Variants in STXBP3 observed in about 807,000 individuals in gnomAD.
STXBP3 encodes syntaxin-binding protein 3.
In STXBP3, 41 loss-of-function variants were observed where a neutral mutation model predicts 85.7. That is an observed-to-expected ratio of 0.48 (90% CI 0.37 to 0.62). The LOEUF (loss-of-function observed/expected upper bound fraction) is 0.62, where lower values mean the gene tolerates loss of function less well. Among genes scored for constraint, STXBP3 ranks in the 20% least tolerant of loss-of-function variants. The pLI is 0.00. For missense variants in STXBP3, 563 were observed against 703.1 expected (o/e 0.80, Z 2.25); for synonymous variants, 229 against 231.7 (o/e 0.99, Z 0.10).
At chr1:108,789,924 T>C (rs1271597745) in intron 11 of STXBP3, among the ~76,000 whole-genome samples, 1 of 149,572 alleles carries the variant, frequency 6.7e-6, no homozygotes, top group East Asian at 2.0e-4. Context: ...AAATTAGCCA[T>C]GTGTGATGGC....
intron 3 of STXBP3, among the ~76,000 whole-genome samples, chr1:108,753,843 T>TA (rs1661960137): frequency 6.6e-6 from 1 of 152,092 alleles, no homozygotes; most frequent in South Asian, 2.1e-4. Flanking sequence ...TGAAGACAGA[T>TA]AAATACTCTC....
chr1:108,780,372 T>G (rs1662689730), intron 9 of STXBP3: 1 of 152,124 alleles, frequency 6.6e-6, no homozygotes, highest in South Asian at 2.1e-4. Flanking sequence ...AGAGGGGATA[T>G]TATTTACCTC....
At chr1:108,773,401 A>G (rs1662511229) in intron 7 of STXBP3, among the ~76,000 whole-genome samples, 1 of 152,218 alleles carries the variant, frequency 6.6e-6, no homozygotes, top group Admixed American at 6.5e-5. Context: ...CCATAGGCTA[A>G]TTGATATAAA....
At chr1:108,780,774 T>TTC (rs1257251370) in intron 9 of STXBP3, 1 of 147,604 alleles carries the variant, frequency 6.8e-6, no homozygotes, top group East Asian at 1.9e-4. Context: ...CTTTTTTTTT[T>TTC]TTTTCTTTTT....
At position 108,753,074 on chromosome 1, in the gene STXBP3, A is replaced by G; in HGVS notation, c.111A>G (p.Leu37=). ...GTGTTTGTTTTAAGATAATGCTTTT[A>G]GATGAATTTACCACTAAGCTTTTGG... is the stretch of plus-strand genomic sequence containing the variant. ...KKEGEWKIML[L]DEFTTKLLAS... The change falls in exon 3 of 19, where the codon TTA becomes TTG. Residue 37 remains leucine (L), a synonymous_variant. Transcript: ENST00000370008. The G allele has an allele frequency of 3.8e-6, 6 of 1,575,540 alleles. No individual in the cohort carries two copies. The highest frequency in any genetic ancestry group is 5.2e-6 in the Non-Finnish European group (6 of 1,163,742).
At position 108,800,311 on chromosome 1, in the gene STXBP3, T is replaced by A; in HGVS notation, c.1535+6T>A. ...AATGGTTCAGGAGCTGTAAGGTAAA[T>A]TCTACAAGTGAAAATCAATGAAATT... On this transcript the variant is annotated splice_donor_region_variant and intron_variant, in intron 17 of 18. Coordinates refer to ENST00000370008, the MANE Select transcript of STXBP3 (RefSeq NM_007269.4). The A allele has an allele frequency of 6.3e-7, 1 of 1,592,200 alleles. No homozygotes were observed. The highest frequency in any genetic ancestry group is 8.6e-7 in the Non-Finnish European group (1 of 1,161,474).
At chr1:108,762,394 A>G (rs761138258) in intron 6 of STXBP3, among the ~76,000 whole-genome samples, 2 of 152,178 alleles carry the variant, frequency 1.3e-5, no homozygotes, top group Non-Finnish European at 2.9e-5. Context: ...TATAAGGGTG[A>G]TAATGCTGGC....
intron 9 of STXBP3, chr1:108,780,757 A>G (rs1433711908): frequency 7.1e-6 from 1 of 139,894 alleles, no homozygotes; most frequent in African/African-American, 2.7e-5. Context: ...TGCCTTCTTT[A>G]AATTTACTTT....
intron 6 of STXBP3, among the ~76,000 whole-genome samples, chr1:108,765,978 G>A (rs1418128773): frequency 6.7e-6 from 1 of 150,090 alleles, no homozygotes; most frequent in South Asian, 2.1e-4. Context: ...TCAGCCTCCC[G>A]AGTAGCTGGG....
chr1:108,750,088 C>G (rs903741030), intron 1 of STXBP3, among the ~76,000 whole-genome samples: 2 of 151,978 alleles, frequency 1.3e-5, no homozygotes, highest in Non-Finnish European at 2.9e-5. Flanking sequence ...GTTTCAAAGA[C>G]TGTAATGAGA....
chr1:108,808,879 A>T lies in STXBP3; in HGVS notation c.*2A>T, dbSNP rs1149154. ...GTCTCCTTAATTAAAGATGAATAGC[A>T]TTTCTTTTTGGAGGGTTTAGAGATT... On this transcript the variant is annotated 3_prime_UTR_variant, in exon 19 of 19. Transcript: ENST00000370008. 4 of 1,587,680 alleles carry T rather than the reference A, an allele frequency of 2.5e-6. No individual in the cohort carries two copies. The East Asian group carries it at 6.7e-5, about 27-fold the overall frequency.
At position 108,746,741 on chromosome 1, in the gene STXBP3, G is replaced by T. The variant is rs772725276; in HGVS notation, c.4G>T (p.Ala2Ser). The change falls in exon 1 of 19, where the codon GCG becomes TCG. Residue 2 changes from alanine (A) to serine (S), a missense_variant. This residue lies in a region of STXBP3 where 37 missense variants were observed against 39.7 expected (regional missense o/e 0.93). Coordinates refer to ENST00000370008, the MANE Select transcript of STXBP3 (RefSeq NM_007269.4). M[A>S]PPVAERGLKS... ...GCTGCTCCGCAGTGTCGGGAAGATG[G>T]CGCCGCCGGTGGCAGAGAGGGGGCT... 3 of 1,550,206 alleles carry T rather than the reference G, an allele frequency of 1.9e-6. No homozygotes were observed. In the South Asian group the frequency reaches 3.6e-5, roughly 18 times the overall value.
At position 108,748,688 on chromosome 1, in the gene STXBP3, C is replaced by G. The variant is rs139488020; in HGVS notation, c.49+1902C>G. ...CTCTATCAAAAATACAAAAATTAGC[C>G]AGGTGTGGTAACGCACACCTGTGGT... On this transcript the variant is annotated intron_variant, in intron 1 of 18. Transcript: ENST00000370008. Among the ~76,000 whole-genome samples the G allele has an allele frequency of 2.0e-5, 3 of 152,102 alleles. 1 individual carries two copies. The highest frequency in any genetic ancestry group is 4.4e-5 in the Non-Finnish European group (3 of 67,980).
Position 108,756,688 on chromosome 1 carries a change from A to C in STXBP3, c.182-2A>C. 6.5e-7 allele frequency: 1 copy of C among 1,532,838 alleles called. No individual in the cohort carries two copies. Among genetic ancestry groups the C allele is most frequent in the Non-Finnish European group, 8.8e-7 (1 of 1,138,338 alleles). The allele number at this position is 1,532,838 out of a possible 1,614,324, so 95.0% of individuals were successfully genotyped here. A position where few individuals can be genotyped will look rare whatever the true frequency, so the allele number is the denominator to read the frequency against. On this transcript the variant is annotated splice_acceptor_variant, in intron 3 of 18. Transcript: ENST00000370008. LOFTEE classifies it high-confidence loss of function. Reference sequence around the variant, plus strand: ...ATATAAAATGACCTTTTTTCTTGTTAGTTGTAGAGAATATTTATAAGAACC... The same window carrying C: ...ATATAAAATGACCTTTTTTCTTGTTCGTTGTAGAGAATATTTATAAGAACC...
chr1:108,775,599 A>T (rs1662570135), intron 7 of STXBP3, among the ~76,000 whole-genome samples: 1 of 151,824 alleles, frequency 6.6e-6, no homozygotes, highest in Admixed American at 6.6e-5. Context: ...CCATCTTTCT[A>T]CTTTCTGCAT....
chr1:108,772,169 GATATCTATCTATA>G (rs1206315787), intron 6 of STXBP3, among the ~76,000 whole-genome samples: 21 of 22,824 alleles, frequency 9.2e-4, no homozygotes, highest in African/African-American at 3.1e-3. Flanking sequence ...AAATACATAT[GATATCTATCTATA>G]TATCATATAT....
chr1:108,776,522 G>T, intron 8 of STXBP3, 99 bp downstream of exon 8: 1 of 835,408 alleles, frequency 1.2e-6, no homozygotes. Flanking sequence ...ATTGATTTGG[G>T]AGTCATTAAC....
intron 17 of STXBP3, 41 bp downstream of exon 17, chr1:108,800,346 C>T (rs369870542): frequency 1.3e-4 from 183 of 1,441,066 alleles, no homozygotes; most frequent in East Asian, 2.3e-4. Context: ...TTTCATTCTA[C>T]GGACTAATAA....
chr1:108,779,122 C>T (rs1662659944), intron 8 of STXBP3, among the ~76,000 whole-genome samples, 164 bp from the exon 9 acceptor site: 1 of 152,134 alleles, frequency 6.6e-6, no homozygotes, highest in Non-Finnish European at 1.5e-5. Flanking sequence ...ATTATAACTT[C>T]ACATTCTTAA....
Sources: allele counts gnomAD v4.1 joint callset (sites outside exome capture counted in the v4.1 genomes callset), GRCh38; gene constraint gnomAD v4.1.1; regional missense constraint gnomAD v4.1.1; transcripts MANE v1.5; gene names NCBI Gene and HGNC (gene_info 2026-07-23, HGNC 2026-07-21).